OPCML: variants seen among roughly 807,000 people sequenced by gnomAD.
The protein encoded by OPCML is opioid-binding protein/cell adhesion molecule.
Under a neutral mutation model 37.8 loss-of-function variants are expected in OPCML, and 13 were observed. That is an observed-to-expected ratio of 0.34 (90% CI 0.22 to 0.55). The LOEUF (loss-of-function observed/expected upper bound fraction) is 0.55. Ranked by LOEUF, OPCML falls within the 20% of genes least tolerant of loss-of-function variation. The pLI is 0.91. For synonymous variants in OPCML, 176 were observed against 168.8 expected (o/e 1.04, Z -0.33); for missense variants, 341 against 435.6 (o/e 0.78, Z 1.93).
intron 3 of OPCML, among the ~76,000 whole-genome samples, chr11:132,634,723 C>T (rs952756683): frequency 2.0e-5 from 3 of 152,142 alleles, no homozygotes; most frequent in Non-Finnish European, 4.4e-5. Context: ...CTCCACCCTA[C>T]TGCCCTTGGA....
At chr11:132,981,207 G>A (rs189507670) in intron 1 of OPCML, among the ~76,000 whole-genome samples, 1 of 152,304 alleles carries the variant, frequency 6.6e-6, no homozygotes, top group East Asian at 1.9e-4. Context: ...GCAGGATACA[G>A]AAGAAATGGA....
chr11:133,497,966 G>C (rs982573164), intron 1 of OPCML, among the ~76,000 whole-genome samples: 1 of 152,178 alleles, frequency 6.6e-6, no homozygotes, highest in Non-Finnish European at 1.5e-5. Context: ...AGGGCACCAG[G>C]GTCAGAAGGC....
chr11:133,523,501 C>T (rs1396646993), intron 1 of OPCML, among the ~76,000 whole-genome samples: 1 of 152,208 alleles, frequency 6.6e-6, no homozygotes. Context: ...TGAACTACTA[C>T]AGTAGTCTTC....
At chr11:133,094,679 T>A (rs778471687) in intron 1 of OPCML, among the ~76,000 whole-genome samples, 1 of 152,120 alleles carries the variant, frequency 6.6e-6, no homozygotes, top group Non-Finnish European at 1.5e-5. Flanking sequence ...TTTATTCAAA[T>A]AGCAAGAGAG....
chr11:132,873,947 C>T (rs1372407473), intron 2 of OPCML, among the ~76,000 whole-genome samples: 1 of 152,136 alleles, frequency 6.6e-6, no homozygotes, highest in Non-Finnish European at 1.5e-5. Context: ...ATTTACCTCT[C>T]TTCCGCAGCC....
At chr11:133,009,264 T>C in intron 1 of OPCML, 2 of 982,130 alleles carry the variant, frequency 2.0e-6, no homozygotes, top group Non-Finnish European at 2.4e-6. Flanking sequence ...AATACTTGCT[T>C]GTTAAAATGC....
intron 1 of OPCML, among the ~76,000 whole-genome samples, chr11:133,283,480 T>C (rs1369122649): frequency 6.6e-6 from 1 of 151,828 alleles, no homozygotes; most frequent in Non-Finnish European, 1.5e-5. Context: ...TACCAGAAGC[T>C]GAGCAGATAT....
intron 1 of OPCML, among the ~76,000 whole-genome samples, chr11:133,504,735 G>C (rs1049273886): frequency 1.3e-5 from 2 of 152,224 alleles, no homozygotes; most frequent in African/African-American, 4.8e-5. Flanking sequence ...ATGACGAAGA[G>C]AGGAACCATT....
chr11:132,634,277 A>G (rs1370228736), intron 3 of OPCML, among the ~76,000 whole-genome samples: 1 of 152,206 alleles, frequency 6.6e-6, no homozygotes. Context: ...GCAGGTTGTT[A>G]GTGTTATGGA....
chr11:133,075,259 T>C (rs1282886795), intron 1 of OPCML, among the ~76,000 whole-genome samples: 1 of 152,206 alleles, frequency 6.6e-6, no homozygotes, highest in Non-Finnish European at 1.5e-5. Context: ...TTTGGCAACC[T>C]GCTATGTGCT....
intron 1 of OPCML, among the ~76,000 whole-genome samples, chr11:133,448,253 G>T (rs1022375851): frequency 2.6e-5 from 4 of 152,038 alleles, no homozygotes; most frequent in African/African-American, 9.7e-5. Flanking sequence ...TTTTGCATGT[G>T]GATATTCAGT....
At chr11:133,505,313 C>A (rs1054865511) in intron 1 of OPCML, among the ~76,000 whole-genome samples, 2 of 152,230 alleles carry the variant, frequency 1.3e-5, no homozygotes, top group Non-Finnish European at 2.9e-5. Flanking sequence ...GGGGACCTCA[C>A]AGGGCCAGCT....
At chr11:133,035,239 CA>C (rs2136932926) in intron 1 of OPCML, among the ~76,000 whole-genome samples, 1 of 152,328 alleles carries the variant, frequency 6.6e-6, no homozygotes, top group Non-Finnish European at 1.5e-5. Flanking sequence ...TCGCCGAGGG[CA>C]GCAGCAATGC....
At chr11:132,680,842 T>A (rs1942908513) in intron 2 of OPCML, among the ~76,000 whole-genome samples, 1 of 152,148 alleles carries the variant, frequency 6.6e-6, no homozygotes, top group African/African-American at 2.4e-5. Flanking sequence ...CGCTCCTGCA[T>A]GTGAAGAATT....
intron 1 of OPCML, among the ~76,000 whole-genome samples, chr11:133,053,022 A>G (rs1288716842): frequency 2.0e-5 from 3 of 152,214 alleles, no homozygotes; most frequent in Non-Finnish European, 4.4e-5. Context: ...TGCAACCACA[A>G]CAGGTCTTGA....
intron 1 of OPCML, among the ~76,000 whole-genome samples, chr11:132,949,247 C>T (rs1027164810): frequency 6.6e-6 from 1 of 152,228 alleles, no homozygotes; most frequent in Admixed American, 6.5e-5. Flanking sequence ...CACATTATTG[C>T]ATTTCAAACT....
At chr11:133,392,895 G>T (rs1450649019) in intron 1 of OPCML, among the ~76,000 whole-genome samples, 1 of 152,144 alleles carries the variant, frequency 6.6e-6, no homozygotes, top group Non-Finnish European at 1.5e-5. Context: ...TGTCACCTTA[G>T]AGGTAATTCA....
intron 4 of OPCML, among the ~76,000 whole-genome samples, chr11:132,524,992 C>T (rs778872048): frequency 6.6e-6 from 1 of 152,196 alleles, no homozygotes; most frequent in African/African-American, 2.4e-5. Context: ...ACCCAGACTC[C>T]TCTCATTCCC....
At position 133,208,236 on chromosome 11, in the gene OPCML, G is replaced by T. The variant is rs968994364; in HGVS notation, c.62-265226C>A. On this transcript the variant is annotated intron_variant, in intron 1 of 7. Coordinates refer to ENST00000524381, the MANE Select transcript of OPCML (RefSeq NM_001012393.5). The surrounding 1 kb of genome is among the most constrained non-coding windows in gnomAD (Gnocchi z 8.9). Reference sequence around the variant, plus strand: ...CATTTAGCTTATTGCTTAGCACATTGTATTACATTGCATTGCACTGTATTG... The same window carrying T: ...CATTTAGCTTATTGCTTAGCACATTTTATTACATTGCATTGCACTGTATTG... Among the ~76,000 whole-genome samples, 2 of 152,106 alleles carry T rather than the reference G, an allele frequency of 1.3e-5. No individual in the cohort carries two copies. The highest frequency in any genetic ancestry group is 2.9e-5 in the Non-Finnish European group (2 of 68,020).
Sources: gnomAD v4.1 joint callset for allele counts (sites outside exome capture counted in the v4.1 genomes callset) on GRCh38, gnomAD v4.1.1 for gene constraint, Gnocchi (gnomAD v3.1) non-coding constraint, MANE v1.5 for transcripts, NCBI Gene and HGNC (gene_info 2026-07-23, HGNC 2026-07-21) for gene names.